The following ZNF260 variants were observed in gnomAD, a reference collection of about 807,000 sequenced individuals.
ZNF260 encodes zinc finger protein 260, also known as zfp-260.
In ZNF260, 21 loss-of-function variants were observed where a neutral mutation model predicts 29.3. That is an observed-to-expected ratio of 0.72 (90% CI 0.51 to 1.03). The LOEUF (loss-of-function observed/expected upper bound fraction) is 1.03, where lower values mean the gene tolerates loss of function less well. Ranked by LOEUF, ZNF260 falls within the 50% of genes least tolerant of loss-of-function variation. The pLI, the probability that ZNF260 is intolerant of heterozygous loss-of-function variation, is 0.00. For synonymous variants in ZNF260, 156 were observed against 156.8 expected, an observed-to-expected ratio of 0.99 and a Z score of 0.04; for missense variants, 465 against 487.8, an observed-to-expected ratio of 0.95 and a Z score of 0.44.
At chr19:36,520,916 TACAA>T (rs1277747879) in intron 2 of ZNF260, among the ~76,000 whole-genome samples, 2 of 145,184 alleles carry the variant, frequency 1.4e-5, no homozygotes, top group East Asian at 4.1e-4. Flanking sequence ...ACCCTGTCTC[TACAA>T]ACAATTTAAA....
chr19:36,520,990 G>T (rs538771502), intron 2 of ZNF260, among the ~76,000 whole-genome samples: 1 of 151,104 alleles, frequency 6.6e-6, no homozygotes, highest in East Asian at 1.9e-4. Flanking sequence ...GTTGAGGTAG[G>T]AGGATTACTT....
At position 36,513,469 on chromosome 19, in the gene ZNF260, A is replaced by G. The variant is rs1330047649; in HGVS notation, c.*531T>C. The G allele has an allele frequency of 3.0e-6, 1 of 337,628 alleles. No homozygotes were observed. The highest frequency in any genetic ancestry group is 5.3e-6 in the Non-Finnish European group (1 of 188,960). 20.9% of individuals were successfully genotyped at this position (337,628 alleles called of 1,614,324 possible). ...TGAAGAGTCAATTAATTTTTAAGTA[A>G]TCCATGATTTCCCCACCAATCTGGG... On this transcript the variant is annotated 3_prime_UTR_variant, in exon 3 of 3. Transcript: ENST00000523638.
At position 36,512,768 on chromosome 19, in the gene ZNF260, T is replaced by G. The variant is rs1645027850; in HGVS notation, c.*1232A>C. ...TTAACTGCTAGAGAGTACTCTACTA[T>G]GTTACTATCACATTTTATTCATCTA... On this transcript the variant is annotated 3_prime_UTR_variant, in exon 3 of 3. Coordinates refer to ENST00000523638, the MANE Select transcript of ZNF260 (RefSeq NM_001166037.2). The G allele has an allele frequency of 6.6e-6, 1 of 152,236 alleles. No individual in the cohort carries two copies. Among genetic ancestry groups the G allele is most frequent in the Non-Finnish European group, 1.5e-5 (1 of 68,030 alleles). 9.4% of individuals were successfully genotyped at this position (152,236 alleles called of 1,614,324 possible).
rs2034535915 is a variant in ZNF260, at chr19:36,515,597, C to T, written c.-359G>A. The T allele has an allele frequency of 5.7e-6, 1 of 175,778 alleles. No individual in the cohort carries two copies. The highest frequency in any genetic ancestry group is 2.4e-5 in the African/African-American group (1 of 41,706). 10.9% of individuals were successfully genotyped at this position (175,778 alleles called of 1,614,324 possible). ...CTGTTCAGAGGAAATACTTTGTTTC[C>T]TAAATTTTCCCTCAGTCTGTCTTTT... On this transcript the variant is annotated 5_prime_UTR_variant, in exon 3 of 3. Coordinates refer to ENST00000523638, the MANE Select transcript of ZNF260 (RefSeq NM_001166037.2).
chr19:36,526,569 A>G (rs998858791), intron 1 of ZNF260, among the ~76,000 whole-genome samples: 2 of 152,124 alleles, frequency 1.3e-5, no homozygotes, highest in Non-Finnish European at 2.9e-5. Context: ...GAATGGAAGT[A>G]TATTTACATA....
intron 1 of ZNF260, among the ~76,000 whole-genome samples, chr19:36,526,256 T>C (rs73032484): frequency 0.17 from 26,435 of 151,998 alleles, 2,524 homozygotes; most frequent in Non-Finnish European, 0.22. Flanking sequence ...ACTTCAAATA[T>C]AAAGCCAGGC....
rs551564437 is a variant in ZNF260 at position 36,510,813 on chromosome 19, G to A, written c.*3187C>T. 1 of 152,224 alleles carries A rather than the reference G, an allele frequency of 6.6e-6. No individual in the cohort carries two copies. Among genetic ancestry groups the A allele is most frequent in the African/African-American group, 2.4e-5 (1 of 41,534 alleles). 9.4% of individuals were successfully genotyped at this position (152,224 alleles called of 1,614,324 possible). ...TATTAGAGAATATTATGTTGCAATT[G>A]CTCATCTTACTCTGACCATCATAAT... On this transcript the variant is annotated 3_prime_UTR_variant, in exon 3 of 3. Coordinates refer to ENST00000523638, the MANE Select transcript of ZNF260 (RefSeq NM_001166037.2).
rs1041925145 is a variant in ZNF260 at position 36,525,359 on chromosome 19, T to TA, written c.-667dup. ...AGAGGTTTTGCAGCTCCTGTGGATA[T>TA]ACAAGGAAGCAGGCCTGTGAAAAAG... On this transcript the variant is annotated 5_prime_UTR_variant, in exon 2 of 3. The change abolishes the stop of an existing upstream ORF in the 5' untranslated region. Transcript: ENST00000523638. 9.8e-5 allele frequency: 15 copies of TA among 152,344 alleles called. No homozygotes were observed. Among genetic ancestry groups the TA allele is most frequent in the Admixed American group, 3.3e-4 (5 of 15,298 alleles). 9.4% of individuals were successfully genotyped at this position (152,344 alleles called of 1,614,324 possible). A position where few individuals can be genotyped will look rare whatever the true frequency, so the allele number is the denominator to read the frequency against.
At chr19:36,522,003 C>T (rs555937114) in intron 2 of ZNF260, among the ~76,000 whole-genome samples, 13 of 149,328 alleles carry the variant, frequency 8.7e-5, no homozygotes, top group African/African-American at 3.2e-4. Flanking sequence ...GAGCCGAGAT[C>T]GCGCCACTGC....
Position 36,514,295 on chromosome 19 carries a change from C to G in ZNF260, c.944G>C (p.Arg315Pro). 6.2e-7 allele frequency: 1 copy of G among 1,613,914 alleles called. No homozygotes were observed. ...ECNKCGKAFS[R>P]ITSLIVHVRI... Reference sequence around the variant, plus strand: ...CACATGTACAATAAGTGATGTGATTCGAGAGAAGGCTTTTCCACATTTATT... The same window carrying G: ...CACATGTACAATAAGTGATGTGATTGGAGAGAAGGCTTTTCCACATTTATT... The change falls in exon 3 of 3, where the codon CGA becomes CCA. Residue 315 changes from arginine to proline, a missense_variant. Coordinates refer to ENST00000523638, the MANE Select transcript of ZNF260 (RefSeq NM_001166037.2).
rs537766606 is a variant in ZNF260, at chr19:36,513,596, A to C, written c.*404T>G. The C allele has an allele frequency of 2.5e-6, 1 of 407,878 alleles. No homozygotes were observed. Among genetic ancestry groups the C allele is most frequent in the African/African-American group, 2.0e-5 (1 of 48,874 alleles). The allele number at this position is 407,878 out of a possible 1,614,324, so 25.3% of individuals were successfully genotyped here. On this transcript the variant is annotated 3_prime_UTR_variant, in exon 3 of 3. Coordinates refer to ENST00000523638, the MANE Select transcript of ZNF260 (RefSeq NM_001166037.2). ...AGTTTTATGACTGCTTCAACAACAAATAATTTTGATGATTCTAGTTTTACA... is the reference window on the plus strand; with the variant it reads ...AGTTTTATGACTGCTTCAACAACAACTAATTTTGATGATTCTAGTTTTACA...
In ZNF260 at chr19:36,511,769, T is replaced by G. The variant is rs549235441; in HGVS notation, c.*2231A>C. On this transcript the variant is annotated 3_prime_UTR_variant, in exon 3 of 3. Coordinates refer to ENST00000523638, the MANE Select transcript of ZNF260 (RefSeq NM_001166037.2). ...AAGAGAACACTGTTTAGGTGGAAGATCTCCTTTTTCAGCACGGTCTTCCCA... is the reference window on the plus strand; with the variant it reads ...AAGAGAACACTGTTTAGGTGGAAGAGCTCCTTTTTCAGCACGGTCTTCCCA... The G allele has an allele frequency of 4.9e-4, 74 of 152,186 alleles. No individual in the cohort carries two copies. Among genetic ancestry groups the G allele is most frequent in the African/African-American group, 1.8e-3 (73 of 41,530 alleles). The allele number at this position is 152,186 out of a possible 1,614,324, so 9.4% of individuals were successfully genotyped here.
At position 36,512,364 on chromosome 19, in the gene ZNF260, G is replaced by T. The variant is rs949935953; in HGVS notation, c.*1636C>A. The T allele has an allele frequency of 3.9e-5, 6 of 152,098 alleles. No homozygotes were observed. Among genetic ancestry groups the T allele is most frequent in the Non-Finnish European group, 8.8e-5 (6 of 68,000 alleles). The allele number at this position is 152,098 out of a possible 1,614,324, so 9.4% of individuals were successfully genotyped here. On this transcript the variant is annotated 3_prime_UTR_variant, in exon 3 of 3. Transcript: ENST00000523638. ...TTTCAGAAGTTTAAGGAAATAAATA[G>T]CACGAATGATAGAATGAACACAAAT...
chr19:36,519,512 T>C (rs921537138), intron 2 of ZNF260, among the ~76,000 whole-genome samples: 5 of 152,112 alleles, frequency 3.3e-5, no homozygotes, highest in Non-Finnish European at 7.4e-5. Context: ...TTCAAATCCA[T>C]AAAATACAAT....
intron 2 of ZNF260, among the ~76,000 whole-genome samples, chr19:36,517,828 T>G (rs1489627922): frequency 1.3e-5 from 2 of 152,054 alleles, no homozygotes; most frequent in East Asian, 1.9e-4. Context: ...ATTTTCTTTT[T>G]TCTTTCTTTC....
rs1000889015 is a variant in ZNF260 at position 36,522,558 on chromosome 19, T to C, written c.-462+2597A>G. ...CCATGTTTATTTATTTTCTTGTCCA[T>C]GACTACTTTCACAGTATAATGCTTG... On this transcript the variant is annotated intron_variant, in intron 2 of 2. Coordinates refer to ENST00000523638, the MANE Select transcript of ZNF260 (RefSeq NM_001166037.2). Among the ~76,000 whole-genome samples the C allele has an allele frequency of 3.3e-5, 5 of 152,220 alleles. No homozygotes were observed. In the South Asian group the frequency reaches 1.0e-3, roughly 31 times the overall value.
At position 36,515,351 on chromosome 19, in the gene ZNF260, G is replaced by C. The variant is rs912032193; in HGVS notation, c.-113C>G. 8.6e-7 allele frequency: 1 copy of C among 1,159,742 alleles called. No individual in the cohort carries two copies. Among genetic ancestry groups the C allele is most frequent in the Non-Finnish European group, 1.2e-6 (1 of 855,536 alleles). 71.8% of individuals were successfully genotyped at this position (1,159,742 alleles called of 1,614,324 possible). On this transcript the variant is annotated 5_prime_UTR_variant, in exon 3 of 3. Coordinates refer to ENST00000523638, the MANE Select transcript of ZNF260 (RefSeq NM_001166037.2). ...GTGTATTTTCAATATTAATTCTCAG[G>C]TATCTAATGAAGTTAAATTTATGAT...
rs2034456297 is a variant in ZNF260 at position 36,511,788 on chromosome 19, C to T, written c.*2212G>A. On this transcript the variant is annotated 3_prime_UTR_variant, in exon 3 of 3. Transcript: ENST00000523638. ...GGAAGATCTCCTTTTTCAGCACGGTCTTCCCAAGGTAACAAGGGGGTTGGG... is the reference window on the plus strand; with the variant it reads ...GGAAGATCTCCTTTTTCAGCACGGTTTTCCCAAGGTAACAAGGGGGTTGGG... 1 of 152,112 alleles carries T rather than the reference C, an allele frequency of 6.6e-6. No individual in the cohort carries two copies. Among genetic ancestry groups the T allele is most frequent in the South Asian group, 2.1e-4 (1 of 4,820 alleles). 9.4% of individuals were successfully genotyped at this position (152,112 alleles called of 1,614,324 possible). A position where few individuals can be genotyped will look rare whatever the true frequency, so the allele number is the denominator to read the frequency against.
At chr19:36,525,804 A>G (rs1035558683) in intron 1 of ZNF260, among the ~76,000 whole-genome samples, 1 of 152,034 alleles carries the variant, frequency 6.6e-6, no homozygotes, top group African/African-American at 2.4e-5. Context: ...AAAAAAAAAA[A>G]AAAGCTCTAA....
Sources: gnomAD v4.1 joint callset for allele counts (sites outside exome capture counted in the v4.1 genomes callset) on GRCh38, gnomAD v4.1.1 for gene constraint, MANE v1.5 for transcripts, NCBI Gene and HGNC (gene_info 2026-07-23, HGNC 2026-07-21) for gene names.